LAMC3: variants seen among roughly 807,000 people sequenced by gnomAD.
The protein encoded by LAMC3 is laminin subunit gamma-3.
In LAMC3, 128 loss-of-function variants were observed where a neutral mutation model predicts 173.8. The ratio of observed to expected loss-of-function variants is 0.74; its 90% CI spans 0.64 to 0.85. The LOEUF is 0.85. LAMC3 is among the 40% of genes least tolerant of loss of function. The pLI is 0.00. For synonymous variants in LAMC3, 897 were observed against 909.1 expected (o/e 0.99, Z 0.24); for missense variants, 2,022 against 2,156.0 (o/e 0.94, Z 1.23).
chr9:131,064,887 A>G (rs899387870), intron 13 of LAMC3, among the ~76,000 whole-genome samples: 12 of 151,730 alleles, frequency 7.9e-5, no homozygotes, highest in Admixed American at 6.6e-5. Flanking sequence ...GTGAAAATAC[A>G]AAAATTAGCT....
chr9:131,046,507 C>A (rs1010545315), intron 8 of LAMC3, among the ~76,000 whole-genome samples: 1 of 108,154 alleles, frequency 9.2e-6, no homozygotes. Flanking sequence ...CCATGCCGAG[C>A]TAATTTTTGT....
Position 131,046,817 on chromosome 9 carries a change from C to A in LAMC3, c.1519+1157C>A, listed in dbSNP as rs1302829030. On this transcript the variant is annotated intron_variant, in intron 8 of 27. Coordinates refer to ENST00000361069, the MANE Select transcript of LAMC3 (RefSeq NM_006059.4). Reference sequence around the variant, plus strand: ...GTCCCACGGAGCGCCCCGCACCTTCCGCCTGTCCCCAGGAAGGAGCGAGGC... The same window carrying A: ...GTCCCACGGAGCGCCCCGCACCTTCAGCCTGTCCCCAGGAAGGAGCGAGGC... Among the ~76,000 whole-genome samples the A allele has an allele frequency of 1.1e-4, 17 of 152,190 alleles. 1 individual carries two copies. Among genetic ancestry groups the A allele is most frequent in the Admixed American group, 8.5e-4 (13 of 15,288 alleles).
rs185831594 is a variant in LAMC3, at chr9:131,064,633, C to T, written c.2348-2327C>T. ...GAGCCGAGATCGCGCCACTGCACTC[C>T]AGCCTGGGTGAAAGAGCGAGACTCC... On this transcript the variant is annotated intron_variant, in intron 13 of 27. Transcript: ENST00000361069. 5.1e-3 allele frequency among the ~76,000 whole-genome samples: 756 copies of T among 148,992 alleles called. 10 individuals carry two copies. The highest frequency in any genetic ancestry group is 0.017 in the African/African-American group (698 of 40,292).
In LAMC3 at chr9:131,026,474, C is replaced by G; in HGVS notation, c.563C>G (p.Ala188Gly). The G allele has an allele frequency of 6.2e-7, 1 of 1,613,360 alleles. No homozygotes were observed. The highest frequency in any genetic ancestry group is 8.5e-7 in the Non-Finnish European group (1 of 1,179,772). ...YLRPGEDERV[A>G]FCTSEFSDIS... ...CGCCCCGGCGAGGACGAGCGCGTGG[C>G]CTTCTGCACCTCTGAGTTCAGCGAC... is the stretch of plus-strand genomic sequence containing the variant. Residue 188 changes from alanine to glycine, a missense_variant, in exon 2 of 28, where the codon GCC becomes GGC. Transcript: ENST00000361069. The surrounding 1 kb of genome is among the most constrained non-coding windows in gnomAD (Gnocchi z 4.8).
At chr9:131,057,954 C>T (rs1829725596) in intron 12 of LAMC3, among the ~76,000 whole-genome samples, 1 of 152,238 alleles carries the variant, frequency 6.6e-6, no homozygotes. Flanking sequence ...CCCTGCGGGG[C>T]CGGGACCCTT....
rs774498189 is a variant in LAMC3 at position 131,082,166 on chromosome 9, G to C, written c.4030+5G>C. On this transcript the variant is annotated splice_donor_5th_base_variant and intron_variant, in intron 24 of 27. Transcript: ENST00000361069. ...CTCTGCTGGCTGATCTGGAAGGTAC[G>C]TGAGTCCAGCTGACCACTAGGCTGT... 1 of 1,605,788 alleles carries C rather than the reference G, an allele frequency of 6.2e-7. No individual in the cohort carries two copies. Among genetic ancestry groups the C allele is most frequent in the African/African-American group, 1.3e-5 (1 of 74,782 alleles).
intron 14 of LAMC3, 83 bp downstream of exon 14, chr9:131,067,288 C>T: frequency 6.4e-7 from 1 of 1,568,040 alleles, no homozygotes; most frequent in Non-Finnish European, 8.7e-7. Flanking sequence ...GAAGGGGTGG[C>T]TGAGGAACCC....
intron 23 of LAMC3, among the ~76,000 whole-genome samples, chr9:131,080,691 C>G (rs374742415): frequency 1.3e-5 from 2 of 152,074 alleles, no homozygotes; most frequent in African/African-American, 4.8e-5. Flanking sequence ...GGCTTTGCCC[C>G]CGGGGTAGCA....
At chr9:131,039,640 G>A (rs906351919) in intron 6 of LAMC3, among the ~76,000 whole-genome samples, 3 of 151,956 alleles carry the variant, frequency 2.0e-5, no homozygotes, top group Non-Finnish European at 2.9e-5. Context: ...CAGCAGGAAC[G>A]CCTGGGCAGC....
Position 131,026,603 on chromosome 9 carries a change from G to A in LAMC3, c.678+14G>A, listed in dbSNP as rs774098304. On this transcript the variant is annotated intron_variant, in intron 2 of 27. Coordinates refer to ENST00000361069, the MANE Select transcript of LAMC3 (RefSeq NM_006059.4). This position sits in a 1 kb window ranked among gnomAD's most constrained non-coding sequence, Gnocchi z 4.8. Reference sequence around the variant, plus strand: ...CCTGGGCTGCAGGTCAGGGAGGAGCGGGGCTTCGGAGGTTGGGACGGGGTT... The same window carrying A: ...CCTGGGCTGCAGGTCAGGGAGGAGCAGGGCTTCGGAGGTTGGGACGGGGTT... The A allele has an allele frequency of 6.2e-5, 97 of 1,562,866 alleles. 1 individual carries two copies. Among genetic ancestry groups the A allele is most frequent in the East Asian group, 4.8e-4 (21 of 43,306 alleles).
intron 2 of LAMC3, among the ~76,000 whole-genome samples, chr9:131,028,119 C>G (rs551515456): frequency 1.3e-5 from 2 of 152,166 alleles, no homozygotes; most frequent in Admixed American, 6.5e-5. Flanking sequence ...GTCAGATCAG[C>G]CTCCTGTCAG....
At chr9:131,034,071 G>A (rs914998871) in intron 3 of LAMC3, among the ~76,000 whole-genome samples, 1 of 152,182 alleles carries the variant, frequency 6.6e-6, no homozygotes, top group Non-Finnish European at 1.5e-5. Flanking sequence ...CTGTCAGGGG[G>A]CTTCGGGCCA....
intron 11 of LAMC3, among the ~76,000 whole-genome samples, chr9:131,056,548 A>G (rs1372873870): frequency 1.3e-5 from 2 of 151,004 alleles, no homozygotes; most frequent in African/African-American, 4.9e-5. Flanking sequence ...CAATCCCAGC[A>G]CTTTGGGAGG....
chr9:131,087,704 C>T lies in LAMC3; in HGVS notation c.4378-14C>T. On this transcript the variant is annotated splice_polypyrimidine_tract_variant and intron_variant, in intron 26 of 27. Coordinates refer to ENST00000361069, the MANE Select transcript of LAMC3 (RefSeq NM_006059.4). ...GACGCCATTCAAGCTGTTTCTTCCT[C>T]CTCCCCCTGAAAGGTGGGTGCTGGG... 3 of 1,613,916 alleles carry T rather than the reference C, an allele frequency of 1.9e-6. No homozygotes were observed. Among genetic ancestry groups the T allele is most frequent in the Non-Finnish European group, 2.5e-6 (3 of 1,179,826 alleles).
In LAMC3 at chr9:131,052,845, G is replaced by A. The variant is rs777843864; in HGVS notation, c.1824-5G>A. 6.3e-6 allele frequency: 10 copies of A among 1,599,242 alleles called. No individual in the cohort carries two copies. The highest frequency in any genetic ancestry group is 5.5e-5 in the African/African-American group (4 of 72,944). ...GGATCTCACTTTGACCGCTTCTCTC[G>A]CCAGCCTGCAGGAGACCTCCGAGGA... On this transcript the variant is annotated splice_polypyrimidine_tract_variant and splice_region_variant and intron_variant, in intron 10 of 27. Coordinates refer to ENST00000361069, the MANE Select transcript of LAMC3 (RefSeq NM_006059.4).
chr9:131,027,364 A>C (rs1388821895), intron 2 of LAMC3, among the ~76,000 whole-genome samples: 3 of 152,208 alleles, frequency 2.0e-5, no homozygotes, highest in Non-Finnish European at 4.4e-5. Context: ...CCTCCTGTGA[A>C]TTAGTAACAG....
At chr9:131,087,403 A>AT in intron 25 of LAMC3, 73 bp from the exon 26 acceptor site, 2 of 1,567,810 alleles carry the variant, frequency 1.3e-6, no homozygotes, top group African/African-American at 2.7e-5. Context: ...CATCATTGCC[A>AT]TAAGAGCTAT....
chr9:131,068,630 C>G (rs1829984151), intron 15 of LAMC3, among the ~76,000 whole-genome samples: 1 of 152,198 alleles, frequency 6.6e-6, no homozygotes, highest in African/African-American at 2.4e-5. Context: ...AGAGCTCTTA[C>G]TATGCTGATT....
rs1202536952 is a variant in LAMC3 at position 131,071,533 on chromosome 9, G to T, written c.3119G>T (p.Gly1040Val). The change falls in exon 18 of 28, where the codon GGG (glycine) becomes GTG (valine). Residue 1040 changes from glycine to valine, a missense_variant. By Grantham distance (109) the Gly-to-Val change is moderately radical. Transcript: ENST00000361069. ...ACTTTGACGGAGGGGTGGCTCCAAG[G>T]GTCCGACTGTGGCAGTCCCTGGGGA... is the stretch of plus-strand genomic sequence containing the variant. ...RLTLTEGWLQ[G>V]SDCGSPWGPL... 1.2e-6 allele frequency: 2 copies of T among 1,613,742 alleles called. No homozygotes were observed. The highest frequency in any genetic ancestry group is 4.5e-5 in the East Asian group (2 of 44,872).
Sources: allele counts gnomAD v4.1 joint callset (sites outside exome capture counted in the v4.1 genomes callset), GRCh38; gene constraint gnomAD v4.1.1; non-coding constraint Gnocchi (gnomAD v3.1); transcripts MANE v1.5; gene names NCBI Gene and HGNC (gene_info 2026-07-23, HGNC 2026-07-21).